Variants in DPYD observed in about 807,000 individuals in gnomAD.
DPYD encodes dihydropyrimidine dehydrogenase, also known as dihydropyrimidine dehydrogenase [NADP(+)].
In DPYD, 109 loss-of-function variants were observed where a neutral mutation model predicts 116.2. The observed-to-expected ratio is 0.94, with a 90% confidence interval of 0.80 to 1.10. DPYD has a LOEUF of 1.10. Ranked by LOEUF, DPYD falls within the 50% of genes least tolerant of loss-of-function variation. DPYD has a pLI of 0.00. For missense variants in DPYD, 1,302 were observed against 1,254.5 expected (o/e 1.04, Z -0.57); for synonymous variants, 440 against 432.0 (o/e 1.02, Z -0.23).
At chr1:97,382,642 G>A (rs1672042626) in intron 14 of DPYD, among the ~76,000 whole-genome samples, 181 bp from the exon 15 acceptor site, 1 of 152,080 alleles carries the variant, frequency 6.6e-6, no homozygotes. Context: ...GATGACATTT[G>A]GGGCTTTGGA....
At chr1:97,271,119 T>C (rs1046077810) in intron 18 of DPYD, among the ~76,000 whole-genome samples, 1 of 152,134 alleles carries the variant, frequency 6.6e-6, no homozygotes, top group African/African-American at 2.4e-5. Context: ...AGCTGGGATT[T>C]CCCCAGACAA....
At chr1:97,128,472 A>G (rs1337075174) in intron 20 of DPYD, among the ~76,000 whole-genome samples, 1 of 152,188 alleles carries the variant, frequency 6.6e-6, no homozygotes, top group East Asian at 1.9e-4. Flanking sequence ...ATTGTTCAAT[A>G]ATTCCAATTC....
intron 5 of DPYD, among the ~76,000 whole-genome samples, chr1:97,716,203 A>C (rs775221343): frequency 1.3e-4 from 20 of 152,054 alleles, no homozygotes; most frequent in Non-Finnish European, 2.9e-4. Flanking sequence ...AACTGTGTCT[A>C]CCCTTGATAA....
intron 16 of DPYD, among the ~76,000 whole-genome samples, chr1:97,368,807 T>C (rs1022975210): frequency 1.3e-5 from 2 of 152,218 alleles, no homozygotes; most frequent in Non-Finnish European, 2.9e-5. Context: ...TTTGCTACTA[T>C]TCACATGCAC....
intron 7 of DPYD, among the ~76,000 whole-genome samples, chr1:97,686,408 G>C (rs1203394676): frequency 6.6e-6 from 1 of 151,240 alleles, no homozygotes; most frequent in East Asian, 1.9e-4. Context: ...AGGCCGAGGC[G>C]GGCGGATCAC....
At position 97,880,508 on chromosome 1, in the gene DPYD, T is replaced by A. The variant is rs199645333; in HGVS notation, c.150+2756A>T. On this transcript the variant is annotated intron_variant, in intron 2 of 22. Coordinates refer to ENST00000370192, the MANE Select transcript of DPYD (RefSeq NM_000110.4). ...ATAACTTTCAACCCTAGCTTCATATTTCACTTTTGGGAATAAACCTTACTG... is the reference window on the plus strand; with the variant it reads ...ATAACTTTCAACCCTAGCTTCATATATCACTTTTGGGAATAAACCTTACTG... Among the ~76,000 whole-genome samples, 9 of 151,926 alleles carry A rather than the reference T, an allele frequency of 5.9e-5. No homozygotes were observed. The East Asian group carries it at 1.8e-3, about 30-fold the overall frequency.
At position 97,276,826 on chromosome 1, in the gene DPYD, C is replaced by G. The variant is rs114268357; in HGVS notation, c.2299+28433G>C. ...TTTCTCAAAGAACTTAAAACAGAAC[C>G]AGCATTTAATGCAGCAATCTCATTA... On this transcript the variant is annotated intron_variant, in intron 18 of 22. Coordinates refer to ENST00000370192, the MANE Select transcript of DPYD (RefSeq NM_000110.4). 7.9e-3 allele frequency among the ~76,000 whole-genome samples: 1,197 copies of G among 152,138 alleles called. 15 individuals carry two copies. The highest frequency in any genetic ancestry group is 0.028 in the African/African-American group (1,148 of 41,510).
At chr1:97,410,316 T>C (rs1179672539) in intron 14 of DPYD, among the ~76,000 whole-genome samples, 1 of 152,138 alleles carries the variant, frequency 6.6e-6, no homozygotes, top group South Asian at 2.1e-4. Context: ...CACTAACATA[T>C]CATTTGAAAG....
At chr1:97,632,820 A>C (rs1259938059) in intron 8 of DPYD, among the ~76,000 whole-genome samples, 1 of 152,168 alleles carries the variant, frequency 6.6e-6, no homozygotes, top group African/African-American at 2.4e-5. Context: ...AAAAAGACTA[A>C]AAGATGGGTT....
chr1:97,720,715 G>A (rs868305251), intron 5 of DPYD: 7 of 1,415,126 alleles, frequency 4.9e-6, no homozygotes, highest in Middle Eastern at 2.6e-4. Flanking sequence ...TAAAAATCTA[G>A]GTTGACGGGC....
chr1:97,850,223 G>T (rs1280707343), intron 2 of DPYD, among the ~76,000 whole-genome samples: 1 of 152,080 alleles, frequency 6.6e-6, no homozygotes, highest in Non-Finnish European at 1.5e-5. Context: ...AGCTAACACC[G>T]CAGGCAATTG....
chr1:97,491,204 ATAT>A (rs946958657), intron 13 of DPYD, among the ~76,000 whole-genome samples: 4 of 147,840 alleles, frequency 2.7e-5, no homozygotes, highest in East Asian at 1.9e-4. Flanking sequence ...TATAATTAGT[ATAT>A]TATTATATAT....
intron 3 of DPYD, among the ~76,000 whole-genome samples, chr1:97,820,298 G>T (rs150435047): frequency 1.0e-3 from 155 of 152,188 alleles, no homozygotes; most frequent in African/African-American, 3.2e-3. Flanking sequence ...AATACACACA[G>T]ACGGGACATA....
At chr1:97,236,767 T>C (rs1005711818) in intron 18 of DPYD, among the ~76,000 whole-genome samples, 5 of 152,166 alleles carry the variant, frequency 3.3e-5, no homozygotes, top group African/African-American at 1.2e-4. Context: ...GCTATAGGTG[T>C]CAATGCACGT....
rs113684828 is a variant in DPYD, at chr1:97,718,043, A to G, written c.483+3467T>C. ...ACTTTTAGTGCTTTAAGAAATTTCC[A>G]CACTGTTTTCCATAGTGGTTGTACT... On this transcript the variant is annotated intron_variant, in intron 5 of 22. Transcript: ENST00000370192. 4.8e-3 allele frequency among the ~76,000 whole-genome samples: 733 copies of G among 152,140 alleles called. 5 individuals carry two copies. The highest frequency in any genetic ancestry group is 0.017 in the African/African-American group (696 of 41,534).
chr1:97,545,305 TATAA>T (rs1240181275), intron 12 of DPYD, among the ~76,000 whole-genome samples: 2 of 152,190 alleles, frequency 1.3e-5, no homozygotes, highest in African/African-American at 2.4e-5. Context: ...TATTAATTTA[TATAA>T]ATAAATGTCA....
rs1411354209 is a variant in DPYD, at chr1:97,699,409, G to A, written c.622C>T (p.Arg208Ter). ...ASISCASFLA[R>*]LGYSDITIFE... Reference sequence around the variant, plus strand: ...ATAGTGATGTCAGAGTACCCCAATCGAGCCAAAAAGGAAGCACAACTTATA... The same window carrying A: ...ATAGTGATGTCAGAGTACCCCAATCAAGCCAAAAAGGAAGCACAACTTATA... The change falls in exon 6 of 23, where the codon CGA (arginine) becomes TGA (stop). Residue 208 changes from arginine (R) to a stop codon, truncating the protein, a stop_gained. Coordinates refer to ENST00000370192, the MANE Select transcript of DPYD (RefSeq NM_000110.4). LOFTEE classifies it high-confidence loss of function. The A allele has an allele frequency of 3.7e-6, 6 of 1,613,458 alleles. No homozygotes were observed. Among genetic ancestry groups the A allele is most frequent in the South Asian group, 3.3e-5 (3 of 91,064 alleles).
At chr1:97,690,900 T>C (rs1660978909) in intron 7 of DPYD, among the ~76,000 whole-genome samples, 1 of 152,142 alleles carries the variant, frequency 6.6e-6, no homozygotes, top group South Asian at 2.1e-4. Flanking sequence ...GAGTGTTTTC[T>C]CTTTTATTGA....
rs763984510 is a variant in DPYD, at chr1:97,573,765, G to A, written c.1334C>T (p.Pro445Leu). 6.2e-7 allele frequency: 1 copy of A among 1,613,298 alleles called. No individual in the cohort carries two copies. Among genetic ancestry groups the A allele is most frequent in the African/African-American group, 1.3e-5 (1 of 74,872 alleles). The change falls in exon 11 of 23, where the codon CCT becomes CTT. Residue 445 changes from proline (P) to leucine (L), a missense_variant. Coordinates refer to ENST00000370192, the MANE Select transcript of DPYD (RefSeq NM_000110.4). ...TTCAGCTCCCAGCACTGTACCTTTA[G>A]GATCACTCAGAACTGAACCAAAGGC... Reference protein sequence around the residue: ...ISAFGSVLSDPKVKEALSPIK... With the variant: ...ISAFGSVLSDLKVKEALSPIK...
Sources: gnomAD v4.1 joint callset for allele counts (sites outside exome capture counted in the v4.1 genomes callset) on GRCh38, gnomAD v4.1.1 for gene constraint, MANE v1.5 for transcripts, NCBI Gene and HGNC (gene_info 2026-07-23, HGNC 2026-07-21) for gene names.